CACNA2D3: variants seen among roughly 807,000 people sequenced by gnomAD.
CACNA2D3 encodes the protein voltage-dependent calcium channel subunit alpha-2/delta-3.
A neutral mutation model predicts 160.6 loss-of-function variants in CACNA2D3; 60 were observed. That is an observed-to-expected ratio of 0.37 (90% CI 0.30 to 0.46). CACNA2D3 has a LOEUF of 0.46. CACNA2D3 is among the 20% of genes least tolerant of loss of function. The pLI is 1.00. For synonymous variants in CACNA2D3, 558 were observed against 492.9 expected (o/e 1.13, Z -1.75); for missense variants, 1,205 against 1,365.0 (o/e 0.88, Z 1.85).
At chr3:54,890,893 C>G (rs1448009334) in intron 24 of CACNA2D3, among the ~76,000 whole-genome samples, 5 of 152,154 alleles carry the variant, frequency 3.3e-5, no homozygotes, top group African/African-American at 7.2e-5. Flanking sequence ...AAACTTGGTT[C>G]CATGGCTCAG....
At chr3:54,464,098 C>T (rs1378000711) in intron 4 of CACNA2D3, among the ~76,000 whole-genome samples, 1 of 152,188 alleles carries the variant, frequency 6.6e-6, no homozygotes, top group Non-Finnish European at 1.5e-5. Flanking sequence ...TTTTCATGAA[C>T]CACGAATGCT....
intron 11 of CACNA2D3, among the ~76,000 whole-genome samples, chr3:54,737,642 T>C (rs1701560686): frequency 6.6e-6 from 1 of 152,142 alleles, no homozygotes; most frequent in Non-Finnish European, 1.5e-5. Flanking sequence ...AAGGCCTCTA[T>C]AGAGCTGTGA....
intron 4 of CACNA2D3, among the ~76,000 whole-genome samples, chr3:54,404,179 G>T (rs1176662996): frequency 6.6e-6 from 1 of 151,880 alleles, no homozygotes; most frequent in Admixed American, 6.6e-5. Flanking sequence ...AAGACACCAC[G>T]GTAAAGAAAA....
intron 11 of CACNA2D3, among the ~76,000 whole-genome samples, chr3:54,650,371 C>A (rs1699739002): frequency 6.6e-6 from 1 of 150,532 alleles, no homozygotes; most frequent in South Asian, 2.1e-4. Context: ...GGCTAATTTT[C>A]TTTATTTTTA....
intron 27 of CACNA2D3, among the ~76,000 whole-genome samples, chr3:54,966,628 G>A (rs1702157596): frequency 1.3e-5 from 2 of 152,134 alleles, no homozygotes; most frequent in South Asian, 4.1e-4. Context: ...AGATCAGCCT[G>A]GCTAACATGG....
chr3:54,277,858 G>T (rs1026339467), intron 2 of CACNA2D3, among the ~76,000 whole-genome samples: 4 of 152,122 alleles, frequency 2.6e-5, no homozygotes, highest in African/African-American at 9.7e-5. Context: ...CTTGTAAGTT[G>T]TATTCCTAGG....
At position 54,736,100 on chromosome 3, in the gene CACNA2D3, C is replaced by CATACATATAT. The variant is rs1254952481; in HGVS notation, c.1168-16496_1168-16495insCATATATATA. ...ATATATATGTATGTGTATATATATA[C>CATACATATAT]ATATATATGTATATATATACATATA... On this transcript the variant is annotated intron_variant, in intron 11 of 37. Transcript: ENST00000474759. 8.3e-5 allele frequency among the ~76,000 whole-genome samples: 4 copies of CATACATATAT among 47,910 alleles called. No individual in the cohort carries two copies. In the East Asian group the frequency reaches 2.0e-3, roughly 24 times the overall value. 31.4% of individuals were successfully genotyped at this position (47,910 alleles called of 152,430 possible). A position where few individuals can be genotyped will look rare whatever the true frequency, so the allele number is the denominator to read the frequency against.
intron 11 of CACNA2D3, among the ~76,000 whole-genome samples, chr3:54,653,435 C>T (rs1430413837): frequency 1.3e-5 from 2 of 152,252 alleles, no homozygotes; most frequent in South Asian, 2.1e-4. Context: ...TGAGTCATTG[C>T]TGTGTTTCTT....
chr3:54,968,443 G>C lies in CACNA2D3; in HGVS notation c.2450-7G>C. The C allele has an allele frequency of 6.3e-7, 1 of 1,596,362 alleles. No individual in the cohort carries two copies. The highest frequency in any genetic ancestry group is 8.6e-7 in the Non-Finnish European group (1 of 1,167,130). Reference sequence around the variant, plus strand: ...TAATGCCTTGTTTTATTTATAATTTGTCCCAGCTGTAGGCATTCAGATGAA... The same window carrying C: ...TAATGCCTTGTTTTATTTATAATTTCTCCCAGCTGTAGGCATTCAGATGAA... On this transcript the variant is annotated splice_polypyrimidine_tract_variant and splice_region_variant and intron_variant, in intron 27 of 37. Transcript: ENST00000474759.
chr3:54,668,386 A>G (rs1327159156), intron 11 of CACNA2D3, among the ~76,000 whole-genome samples: 2 of 152,184 alleles, frequency 1.3e-5, no homozygotes, highest in Non-Finnish European at 2.9e-5. Flanking sequence ...AGCTAGGATG[A>G]TGGGTCTAAT....
chr3:54,348,008 C>CTATG (rs951629150), intron 3 of CACNA2D3, among the ~76,000 whole-genome samples: 16 of 152,126 alleles, frequency 1.1e-4, no homozygotes, highest in African/African-American at 3.9e-4. Flanking sequence ...TATTTGACTC[C>CTATG]TATGTATGTA....
intron 2 of CACNA2D3, among the ~76,000 whole-genome samples, chr3:54,129,697 G>T (rs190620688): frequency 3.1e-4 from 47 of 152,334 alleles, no homozygotes; most frequent in Admixed American, 2.8e-3. Flanking sequence ...ATCTGGACAG[G>T]CAAGGTGGGT....
At chr3:54,373,579 G>T (rs1370061531) in intron 3 of CACNA2D3, among the ~76,000 whole-genome samples, 1 of 152,196 alleles carries the variant, frequency 6.6e-6, no homozygotes, top group Non-Finnish European at 1.5e-5. Context: ...ACTGTAGGCT[G>T]TGTGGTCCAG....
intron 3 of CACNA2D3, among the ~76,000 whole-genome samples, chr3:54,350,986 G>GTTTTGTTTTTTTTTTT (rs1698548788): frequency 1.5e-5 from 1 of 65,922 alleles, no homozygotes; most frequent in Non-Finnish European, 3.0e-5. Context: ...TTTTTTGTTT[G>GTTTTGTTTTTTTTTTT]TTTTTTTTTT....
chr3:54,378,422 T>C (rs1240077578), intron 3 of CACNA2D3, among the ~76,000 whole-genome samples: 2 of 152,160 alleles, frequency 1.3e-5, no homozygotes, highest in Non-Finnish European at 2.9e-5. Flanking sequence ...ACTCACCTCC[T>C]GCTGTGCAGC....
intron 2 of CACNA2D3, among the ~76,000 whole-genome samples, chr3:54,138,005 G>T (rs1207618612): frequency 6.6e-6 from 1 of 152,204 alleles, no homozygotes; most frequent in Non-Finnish European, 1.5e-5. Flanking sequence ...ATGCTTATGA[G>T]CCAGTCACAG....
intron 13 of CACNA2D3, among the ~76,000 whole-genome samples, chr3:54,784,405 T>C (rs1702594686): frequency 6.6e-6 from 1 of 151,824 alleles, no homozygotes; most frequent in Non-Finnish European, 1.5e-5. Context: ...CTACTCTAGA[T>C]GGGGGCCGGA....
intron 33 of CACNA2D3, among the ~76,000 whole-genome samples, chr3:55,008,690 T>A (rs934385077): frequency 1.3e-5 from 2 of 152,076 alleles, no homozygotes; most frequent in African/African-American, 2.4e-5. Flanking sequence ...AATAGTGGGA[T>A]TTTGATTGAG....
intron 11 of CACNA2D3, among the ~76,000 whole-genome samples, chr3:54,660,414 C>T (rs1699947593): frequency 6.6e-6 from 1 of 152,174 alleles, no homozygotes; most frequent in South Asian, 2.1e-4. Flanking sequence ...CCCGCCTCGG[C>T]CTCCCAAAGT....
Sources: allele counts gnomAD v4.1 joint callset (sites outside exome capture counted in the v4.1 genomes callset), GRCh38; gene constraint gnomAD v4.1.1; transcripts MANE v1.5; gene names NCBI Gene and HGNC (gene_info 2026-07-23, HGNC 2026-07-21).